Variants in THADA observed in about 807,000 individuals in gnomAD.
THADA encodes the protein THADA armadillo repeat containing.
In THADA, 213 loss-of-function variants were observed where a neutral mutation model predicts 219.8. The observed-to-expected ratio is 0.97, with a 90% CI of 0.87 to 1.09. The LOEUF (loss-of-function observed/expected upper bound fraction) is 1.09. THADA is among the 50% of genes least tolerant of loss of function. The probability of loss-of-function intolerance (pLI) is 0.00; values close to 1 mark genes in which losing one functional copy is unlikely to be tolerated. For synonymous variants in THADA, 1,018 were observed against 828.9 expected (o/e 1.23, Z -3.92); for missense variants, 2,956 against 2,311.3 (o/e 1.28, Z -5.72).
At chr2:43,366,438 G>A (rs1196920436) in intron 29 of THADA, among the ~76,000 whole-genome samples, 1 of 152,142 alleles carries the variant, frequency 6.6e-6, no homozygotes, top group African/African-American at 2.4e-5. Flanking sequence ...TGATCACCTT[G>A]ATCTCCAATC....
intron 29 of THADA, among the ~76,000 whole-genome samples, chr2:43,371,022 TTACA>T (rs1194667949): frequency 6.6e-6 from 1 of 152,238 alleles, no homozygotes; most frequent in Non-Finnish European, 1.5e-5. Flanking sequence ...TTAATGAATA[TTACA>T]TTTCTGCTTT....
At chr2:43,462,508 T>C (rs1265304064) in intron 26 of THADA, among the ~76,000 whole-genome samples, 1 of 152,164 alleles carries the variant, frequency 6.6e-6, no homozygotes, top group African/African-American at 2.4e-5. Flanking sequence ...AAATAGAAGG[T>C]AACAACCTCT....
chr2:43,460,836 A>G (rs965173766), intron 26 of THADA, among the ~76,000 whole-genome samples: 2 of 152,206 alleles, frequency 1.3e-5, no homozygotes, highest in African/African-American at 4.8e-5. Context: ...CCAGTTTCAC[A>G]AGAGGTGGGA....
At chr2:43,550,642 T>TA (rs1410405268) in intron 19 of THADA, among the ~76,000 whole-genome samples, 1 of 152,176 alleles carries the variant, frequency 6.6e-6, no homozygotes, top group Non-Finnish European at 1.5e-5. Flanking sequence ...GACCAACTGA[T>TA]ACCTTAAAAC....
At chr2:43,312,534 C>T (rs1324412451) in intron 31 of THADA, among the ~76,000 whole-genome samples, 3 of 152,118 alleles carry the variant, frequency 2.0e-5, no homozygotes, top group Non-Finnish European at 2.9e-5. Flanking sequence ...GTAAACACCA[C>T]GTTAACCTAG....
chr2:43,533,739 G>A (rs1209531942), intron 21 of THADA, among the ~76,000 whole-genome samples: 4 of 152,102 alleles, frequency 2.6e-5, no homozygotes, highest in Non-Finnish European at 5.9e-5. Flanking sequence ...AGGGCCTGTC[G>A]TTGGGTGGAG....
chr2:43,244,636 G>A (rs1402992148), intron 36 of THADA, among the ~76,000 whole-genome samples: 1 of 152,238 alleles, frequency 6.6e-6, no homozygotes, highest in Non-Finnish European at 1.5e-5. Flanking sequence ...AGTGGGCCCT[G>A]TCCAGCCATT....
intron 29 of THADA, among the ~76,000 whole-genome samples, chr2:43,349,240 T>C (rs1214773357): frequency 6.6e-6 from 1 of 152,064 alleles, no homozygotes; most frequent in Admixed American, 6.6e-5. Context: ...GATGCAAGCC[T>C]TAATGAAAGT....
At position 43,586,289 on chromosome 2, in the gene THADA, T is replaced by C. The variant is rs544360257; in HGVS notation, c.533+112A>G. 2.2e-4 allele frequency: 201 copies of C among 895,846 alleles called. 1 individual carries two copies. In the East Asian group the frequency reaches 4.6e-3, roughly 21 times the overall value. 55.5% of individuals were successfully genotyped at this position (895,846 alleles called of 1,614,324 possible). On this transcript the variant is annotated intron_variant, in intron 7 of 37. Coordinates refer to ENST00000405975, the MANE Select transcript of THADA (RefSeq NM_022065.5). ...CAAAAAAAATATAAAAGTGATAATA[T>C]TAATGAAAAGGGATGAAAAGATCAC...
chr2:43,416,468 T>C (rs780950286), intron 28 of THADA, among the ~76,000 whole-genome samples: 1 of 152,226 alleles, frequency 6.6e-6, no homozygotes, highest in Non-Finnish European at 1.5e-5. Context: ...CTGTAGAAAC[T>C]GAACAGAAAA....
intron 12 of THADA, among the ~76,000 whole-genome samples, chr2:43,572,432 G>C (rs541045537): frequency 1.3e-5 from 2 of 152,220 alleles, no homozygotes; most frequent in South Asian, 4.2e-4. Flanking sequence ...CCTCCATTTT[G>C]TATGCTGCTC....
At chr2:43,472,909 T>C (rs1037947387) in intron 26 of THADA, among the ~76,000 whole-genome samples, 2 of 151,998 alleles carry the variant, frequency 1.3e-5, no homozygotes, top group Non-Finnish European at 2.9e-5. Flanking sequence ...AAATATGCTA[T>C]AAGAGATAAA....
chr2:43,542,898 G>A (rs2103824909), intron 20 of THADA, among the ~76,000 whole-genome samples: 1 of 151,962 alleles, frequency 6.6e-6, no homozygotes, highest in Admixed American at 6.5e-5. Flanking sequence ...TTAAGTTTTA[G>A]GGTACATGTG....
chr2:43,484,441 G>C (rs1317348663), intron 26 of THADA: 2 of 169,104 alleles, frequency 1.2e-5, no homozygotes, highest in African/African-American at 4.8e-5. Context: ...AGACCACTGG[G>C]CCAAACTGGA....
chr2:43,586,019 C>T (rs979258904), intron 7 of THADA, among the ~76,000 whole-genome samples: 1 of 152,078 alleles, frequency 6.6e-6, no homozygotes, highest in African/African-American at 2.4e-5. Flanking sequence ...AATCTCAACA[C>T]TTCGGGAGGC....
chr2:43,488,979 A>G (rs1262179760), intron 25 of THADA, among the ~76,000 whole-genome samples: 1 of 152,116 alleles, frequency 6.6e-6, no homozygotes, highest in Admixed American at 6.6e-5. Flanking sequence ...GGAGATAAAT[A>G]TTCTTTGTCC....
At chr2:43,435,960 G>C (rs1006274136) in intron 26 of THADA, among the ~76,000 whole-genome samples, 2 of 151,878 alleles carry the variant, frequency 1.3e-5, no homozygotes, top group African/African-American at 4.8e-5. Flanking sequence ...GTGGCAGCCT[G>C]GCCAAAAGAG....
At chr2:43,281,027 G>C (rs995671762) in intron 35 of THADA, among the ~76,000 whole-genome samples, 3 of 152,204 alleles carry the variant, frequency 2.0e-5, no homozygotes, top group African/African-American at 7.2e-5. Context: ...GCCTGGGCTT[G>C]TGGAGGGTTA....
chr2:43,432,752 T>C (rs1359299567), intron 26 of THADA, among the ~76,000 whole-genome samples: 1 of 152,220 alleles, frequency 6.6e-6, no homozygotes, highest in African/African-American at 2.4e-5. Flanking sequence ...TCCCATGATT[T>C]TGATTTGCAT....
Sources: allele counts gnomAD v4.1 joint callset (sites outside exome capture counted in the v4.1 genomes callset), GRCh38; gene constraint gnomAD v4.1.1; transcripts MANE v1.5; gene names NCBI Gene and HGNC (gene_info 2026-07-23, HGNC 2026-07-21).